CREBRF: variants seen among roughly 807,000 people sequenced by gnomAD.
CREBRF encodes the protein UPF0474 protein C5orf41.
In CREBRF, 5 loss-of-function variants were observed where a neutral mutation model predicts 66.1. That is an observed-to-expected ratio of 0.08 (90% CI 0.04 to 0.16). The LOEUF (loss-of-function observed/expected upper bound fraction) is 0.16, where lower values mean the gene tolerates loss of function less well. Among genes scored for constraint, CREBRF ranks in the 10% least tolerant of loss-of-function variants. The probability of loss-of-function intolerance (pLI) is 1.00; values close to 1 mark genes in which losing one functional copy is unlikely to be tolerated. For synonymous variants in CREBRF, 229 were observed against 264.4 expected (o/e 0.87, Z 1.30); for missense variants, 531 against 744.9 (o/e 0.71, Z 3.34).
At position 173,100,924 on chromosome 5, in the gene CREBRF, A is replaced by G. The variant is rs145175188; in HGVS notation, c.1223-7700A>G. ...GGTCTTGAACTCCTGAGCTTAAGCA[A>G]TCTTCCCAGTTCAGTCCTCTTGAGT... On this transcript the variant is annotated intron_variant, in intron 4 of 8. Coordinates refer to ENST00000296953, the MANE Select transcript of CREBRF (RefSeq NM_153607.3). Among the ~76,000 whole-genome samples the G allele has an allele frequency of 4.6e-3, 706 of 152,012 alleles. 4 individuals are homozygous for G. The highest frequency in any genetic ancestry group is 0.016 in the African/African-American group (661 of 41,446).
intron 7 of CREBRF, among the ~76,000 whole-genome samples, chr5:173,117,744 T>C (rs1281531527): frequency 6.7e-6 from 1 of 148,672 alleles, no homozygotes; most frequent in Non-Finnish European, 1.5e-5. Context: ...CTTTCCTCGC[T>C]CTGTTGTCCA....
chr5:173,085,726 A>G (rs1420931373), intron 2 of CREBRF: 8 of 759,438 alleles, frequency 1.1e-5, no homozygotes, highest in East Asian at 2.5e-5. Context: ...CATCAGATAC[A>G]TTCTTTAGGC....
intron 1 of CREBRF, among the ~76,000 whole-genome samples, chr5:173,058,450 G>T (rs1757141776): frequency 6.6e-6 from 1 of 151,770 alleles, no homozygotes; most frequent in African/African-American, 2.4e-5. Flanking sequence ...ATTAGTTGGA[G>T]AAAAAGAATA....
At chr5:173,078,414 A>G (rs1757835449) in intron 1 of CREBRF, among the ~76,000 whole-genome samples, 1 of 151,848 alleles carries the variant, frequency 6.6e-6, no homozygotes, top group Non-Finnish European at 1.5e-5. Flanking sequence ...ATCATATACA[A>G]CATCTCCTTA....
intron 2 of CREBRF, chr5:173,085,709 A>G (rs1758125757): frequency 5.4e-6 from 4 of 744,486 alleles, no homozygotes; most frequent in Middle Eastern, 2.6e-4. Flanking sequence ...GAGCCACCGC[A>G]CCCGGCCATC....
chr5:173,105,325 T>G (rs924817603), intron 4 of CREBRF, among the ~76,000 whole-genome samples: 1 of 152,040 alleles, frequency 6.6e-6, no homozygotes, highest in Non-Finnish European at 1.5e-5. Context: ...TAGGCTTAAG[T>G]GTGGAACACC....
intron 3 of CREBRF, among the ~76,000 whole-genome samples, chr5:173,088,348 G>A (rs1758227891): frequency 7.4e-6 from 1 of 134,256 alleles, no homozygotes; most frequent in Admixed American, 8.9e-5. Flanking sequence ...AATTAGCTGG[G>A]TGTGGTGGTG....
chr5:173,059,265 C>CT (rs60946984), intron 1 of CREBRF, among the ~76,000 whole-genome samples: 1,206 of 65,590 alleles, frequency 0.018, 26 homozygotes, highest in African/African-American at 0.027. Flanking sequence ...TCTTTTTTTT[C>CT]TTTTTTTTTT....
intron 4 of CREBRF, among the ~76,000 whole-genome samples, chr5:173,096,150 T>C (rs922213094): frequency 1.3e-5 from 2 of 152,114 alleles, no homozygotes; most frequent in South Asian, 4.1e-4. Flanking sequence ...TTTGTATTTT[T>C]AGTAGAGGCG....
chr5:173,059,719 G>A (rs1757210564), intron 1 of CREBRF, among the ~76,000 whole-genome samples: 2 of 152,052 alleles, frequency 1.3e-5, no homozygotes, highest in South Asian at 2.1e-4. Context: ...CTGTTGCATC[G>A]GTTGATAAAG....
rs1307931855 is a variant in CREBRF, at chr5:173,137,879, T to C, written c.*4134T>C. On this transcript the variant is annotated 3_prime_UTR_variant, in exon 9 of 9. Transcript: ENST00000296953. ...TTCAGCAAGAATTAACAAAAACTTA[T>C]GTTCCCTTTCTTTATATAGTTTCCT... The C allele has an allele frequency of 2.0e-5, 3 of 152,174 alleles. No homozygotes were observed. Among genetic ancestry groups the C allele is most frequent in the Non-Finnish European group, 4.4e-5 (3 of 67,990 alleles). The allele number at this position is 152,174 out of a possible 1,614,324, so 9.4% of individuals were successfully genotyped here. A position where few individuals can be genotyped will look rare whatever the true frequency, so the allele number is the denominator to read the frequency against.
At chr5:173,082,800 T>C (rs556118764) in intron 2 of CREBRF, among the ~76,000 whole-genome samples, 1 of 149,530 alleles carries the variant, frequency 6.7e-6, no homozygotes, top group East Asian at 2.0e-4. Context: ...TCCCAGCTAC[T>C]CAGAAGGCTG....
At position 173,129,106 on chromosome 5, in the gene CREBRF, C is replaced by CTTTT. The variant is rs70984946; in HGVS notation, c.1805-4499_1805-4496dup. Among the ~76,000 whole-genome samples the CTTTT allele has an allele frequency of 2.8e-4, 15 of 53,704 alleles. 2 individuals carry two copies. The highest frequency in any genetic ancestry group is 6.5e-4 in the African/African-American group (8 of 12,266). 35.2% of individuals were successfully genotyped at this position (53,704 alleles called of 152,430 possible). On this transcript the variant is annotated intron_variant, in intron 8 of 8. Transcript: ENST00000296953. ...CTGAATCATTTTATATTAGTTACAT[C>CTTTT]TTTTTTTTTTTTTTTTTTTTTTTTT...
chr5:173,091,131 A>T lies in CREBRF; in HGVS notation c.952A>T (p.Ser318Cys), dbSNP rs1489587669. The T allele has an allele frequency of 1.2e-6, 2 of 1,614,222 alleles. No individual in the cohort carries two copies. Among genetic ancestry groups the T allele is most frequent in the Admixed American group, 3.3e-5 (2 of 60,018 alleles). ...PGSLAAGESS[S>C]LSASTSVSDS... ...GTCACTTGCAGCAGGAGAGAGCAGC[A>T]GTCTTTCTGCCAGTACATCAGTCTC... The change falls in exon 4 of 9, where the codon AGT becomes TGT. Residue 318 changes from serine (S) to cysteine (C), a missense_variant. Around this residue, in one of 5 missense-constraint regions of CREBRF, gnomAD observed 309 missense variants for 341.4 expected, o/e 0.90. Transcript: ENST00000296953.
intron 2 of CREBRF, among the ~76,000 whole-genome samples, chr5:173,084,465 CAACAA>C (rs1758066052): frequency 6.6e-6 from 1 of 151,926 alleles, no homozygotes; most frequent in East Asian, 1.9e-4. Context: ...AGTTTTAAAA[CAACAA>C]AACAAAAACT....
Position 173,100,092 on chromosome 5 carries a change from G to A in CREBRF, c.1223-8532G>A, listed in dbSNP as rs1187845042. ...TGGCTAATCTTTTGTGTGTGTGTGT[G>A]TGTGTGTGTGTGTGTGTGTGTGTGT... On this transcript the variant is annotated intron_variant, in intron 4 of 8. Coordinates refer to ENST00000296953, the MANE Select transcript of CREBRF (RefSeq NM_153607.3). Among the ~76,000 whole-genome samples the A allele has an allele frequency of 5.5e-5, 7 of 127,544 alleles. No homozygotes were observed. The South Asian group carries it at 1.1e-3, about 20-fold the overall frequency. 83.7% of individuals were successfully genotyped at this position (127,544 alleles called of 152,430 possible).
chr5:173,114,846 T>G (rs1438128996), intron 7 of CREBRF, among the ~76,000 whole-genome samples: 1 of 152,198 alleles, frequency 6.6e-6, no homozygotes, highest in Non-Finnish European at 1.5e-5. Context: ...GAAAGCTATA[T>G]GGAAACATTA....
At chr5:173,097,270 C>G (rs1285383858) in intron 4 of CREBRF, among the ~76,000 whole-genome samples, 1 of 151,746 alleles carries the variant, frequency 6.6e-6, no homozygotes, top group Non-Finnish European at 1.5e-5. Flanking sequence ...TTGTTTGAGA[C>G]AGTCTTGCTC....
intron 1 of CREBRF, among the ~76,000 whole-genome samples, chr5:173,075,515 A>AAAAGG (rs1263624775): frequency 1.3e-5 from 2 of 152,186 alleles, no homozygotes; most frequent in Non-Finnish European, 2.9e-5. Context: ...AGTAGTTTTC[A>AAAAGG]AAAGGAAAGG....
Sources: gnomAD v4.1 joint callset for allele counts (sites outside exome capture counted in the v4.1 genomes callset) on GRCh38, gnomAD v4.1.1 for gene constraint, gnomAD v4.1.1 regional missense constraint, MANE v1.5 for transcripts, NCBI Gene and HGNC (gene_info 2026-07-23, HGNC 2026-07-21) for gene names.